The following ANK3 variants were observed in gnomAD, a reference collection of about 807,000 sequenced individuals.
ANK3 encodes the protein ankyrin 3, also known as ankyrin-3.
A neutral mutation model predicts 370.9 loss-of-function variants in ANK3; 57 were observed. The ratio of observed to expected loss-of-function variants is 0.15; its 90% CI spans 0.12 to 0.19. The LOEUF is 0.19. ANK3 is among the 10% of genes least tolerant of loss of function. The probability of loss-of-function intolerance (pLI) is 1.00; values close to 1 mark genes in which losing one functional copy is unlikely to be tolerated. For synonymous variants in ANK3, 1,929 were observed against 1,946.3 expected (o/e 0.99, Z 0.23); for missense variants, 4,439 against 5,302.1 (o/e 0.84, Z 5.06).
At chr10:60,636,179 G>A (rs897626317) in intron 1 of ANK3, among the ~76,000 whole-genome samples, 5 of 152,162 alleles carry the variant, frequency 3.3e-5, no homozygotes, top group Non-Finnish European at 7.4e-5. Flanking sequence ...CTTTTAATAG[G>A]CAACACAAAT....
rs1266257569 is a variant in ANK3 at position 60,082,300 on chromosome 10, C to A, written c.4324-124G>T. The stretch of plus-strand genomic sequence containing the variant: ...ATGCAAGCTGATTTAGAAAGCAAAG[C>A]AAATTTTAAAAAAAGCCAACAAAAA... On this transcript the variant is annotated intron_variant, in intron 34 of 43. Transcript: ENST00000280772. 8.8e-6 allele frequency: 8 copies of A among 904,414 alleles called. No homozygotes were observed. The African/African-American group carries it at 1.4e-4, about 15-fold the overall frequency. 56.0% of individuals were successfully genotyped at this position (904,414 alleles called of 1,614,324 possible). A position where few individuals can be genotyped will look rare whatever the true frequency, so the allele number is the denominator to read the frequency against.
chr10:60,209,233 A>G (rs2096812489), intron 9 of ANK3, among the ~76,000 whole-genome samples: 1 of 152,196 alleles, frequency 6.6e-6, no homozygotes, highest in Admixed American at 6.5e-5. Context: ...GGGAAAAGTA[A>G]TTTGACAGCA....
At chr10:60,448,786 A>C (rs1369310726) in intron 2 of ANK3, among the ~76,000 whole-genome samples, 2 of 152,234 alleles carry the variant, frequency 1.3e-5, no homozygotes, top group East Asian at 1.9e-4. Context: ...AATTCCTTTG[A>C]GATATCTTCT....
chr10:60,565,612 C>T (rs1270642116), intron 2 of ANK3, among the ~76,000 whole-genome samples: 1 of 152,240 alleles, frequency 6.6e-6, no homozygotes, highest in East Asian at 1.9e-4. Context: ...CACCCCTGCA[C>T]TCTATAGTCC....
chr10:60,506,336 T>C (rs547014155), intron 2 of ANK3, among the ~76,000 whole-genome samples: 3 of 151,988 alleles, frequency 2.0e-5, no homozygotes, highest in East Asian at 3.9e-4. Context: ...CTCAAGAAAA[T>C]CCCAAAGTGA....
chr10:60,313,962 T>C (rs966288063), intron 1 of ANK3, among the ~76,000 whole-genome samples: 22 of 150,962 alleles, frequency 1.5e-4, no homozygotes, highest in African/African-American at 5.1e-4. Flanking sequence ...CTCTTATCTC[T>C]ATCTGAACTT....
At position 60,278,806 on chromosome 10, in the gene ANK3, T is replaced by C. The variant is rs114937210; in HGVS notation, c.382A>G (p.Thr128Ala). 1.9e-3 allele frequency: 3,000 copies of C among 1,613,940 alleles called. 71 individuals carry two copies. In the African/African-American group the frequency reaches 0.036, roughly 19 times the overall value. ...GQAEVVKVLV[T>A]NGANVNAQSQ... ...TGTGCATTGACATTGGCTCCATTTG[T>C]AACCAAGACTTTTACCACCTCTGCT... Residue 128 changes from threonine to alanine, a missense_variant, in exon 4 of 44, where the codon ACA becomes GCA. By Grantham distance (58) the Thr-to-Ala change is moderately conservative. This residue lies in a region of ANK3 where 136 missense variants were observed against 230.5 expected (regional missense o/e 0.59). Coordinates refer to ENST00000280772, the MANE Select transcript of ANK3 (RefSeq NM_020987.5).
chr10:60,499,688 C>A (rs755278755), intron 2 of ANK3, among the ~76,000 whole-genome samples: 16 of 152,194 alleles, frequency 1.1e-4, no homozygotes, highest in Non-Finnish European at 1.6e-4. Flanking sequence ...GATCAGAATG[C>A]CACATTACTA....
chr10:60,599,898 T>C (rs2078037381), intron 2 of ANK3, among the ~76,000 whole-genome samples: 1 of 152,198 alleles, frequency 6.6e-6, no homozygotes, highest in South Asian at 2.1e-4. Context: ...TCTACAACTC[T>C]GGCTTTCTCT....
intron 2 of ANK3, among the ~76,000 whole-genome samples, chr10:60,593,301 C>A (rs1173495274): frequency 6.6e-6 from 1 of 152,122 alleles, no homozygotes; most frequent in Non-Finnish European, 1.5e-5. Flanking sequence ...CTGTGCCTGT[C>A]CTGTAGCTGG....
At chr10:60,415,193 A>C (rs975883096) in intron 2 of ANK3, among the ~76,000 whole-genome samples, 2 of 152,146 alleles carry the variant, frequency 1.3e-5, no homozygotes, top group Non-Finnish European at 2.9e-5. Context: ...CATGGGGTAG[A>C]AAGAGACAGT....
Position 60,055,972 on chromosome 10 carries a change from T to C in ANK3, c.12751A>G (p.Asn4251Asp). 1 of 1,613,986 alleles carries C rather than the reference T, an allele frequency of 6.2e-7. No individual in the cohort carries two copies. The highest frequency in any genetic ancestry group is 8.5e-7 in the Non-Finnish European group (1 of 1,180,016). ...GGAGTGATTTCTGTATGGCTTCCAT[T>C]TGCTTCAAATTTGCCAGCTTCTCCT... The part of the protein sequence containing the change: ...LKGEAGKFEA[N>D]GSHTEITPEA... The change falls in exon 42 of 44, where the codon AAT becomes GAT. Residue 4251 changes from asparagine (N) to aspartate (D), a missense_variant. Physicochemically the swap from Asn to Asp is conservative, Grantham distance 23. Transcript: ENST00000280772.
chr10:60,462,544 T>C (rs2064910898), intron 2 of ANK3, among the ~76,000 whole-genome samples: 2 of 151,924 alleles, frequency 1.3e-5, no homozygotes, highest in South Asian at 4.2e-4. Context: ...CTTTTTCCCC[T>C]AAATTTCTCT....
At chr10:60,099,380 G>A (rs1210537977) in intron 28 of ANK3, among the ~76,000 whole-genome samples, 1 of 152,204 alleles carries the variant, frequency 6.6e-6, no homozygotes, top group Non-Finnish European at 1.5e-5. Flanking sequence ...GTCAGAGTTG[G>A]TCTCTGCCCT....
intron 8 of ANK3, among the ~76,000 whole-genome samples, chr10:60,228,662 T>G (rs1431876893): frequency 6.6e-6 from 1 of 152,196 alleles, no homozygotes; most frequent in African/African-American, 2.4e-5. Flanking sequence ...TATCTTTATC[T>G]TTCCTTTGAG....
chr10:60,395,319 T>C (rs2063194329), intron 2 of ANK3, among the ~76,000 whole-genome samples: 1 of 152,174 alleles, frequency 6.6e-6, no homozygotes, highest in Non-Finnish European at 1.5e-5. Context: ...TTCAGTTAAA[T>C]AAAACATATT....
At chr10:60,338,283 A>C (rs1011558727) in intron 1 of ANK3, among the ~76,000 whole-genome samples, 1 of 152,150 alleles carries the variant, frequency 6.6e-6, no homozygotes, top group Non-Finnish European at 1.5e-5. Flanking sequence ...TTAATTCAAT[A>C]CTTTAGCCAG....
intron 2 of ANK3, among the ~76,000 whole-genome samples, chr10:60,528,613 A>G (rs1471984527): frequency 6.6e-6 from 1 of 152,134 alleles, no homozygotes; most frequent in Non-Finnish European, 1.5e-5. Context: ...CATATGGTTC[A>G]ACCTATGCAT....
Position 60,059,645 on chromosome 10 carries a change from T to C in ANK3, c.12596-215A>G. 3 of 1,552,524 alleles carry C rather than the reference T, an allele frequency of 1.9e-6. No individual in the cohort carries two copies. In the South Asian group the frequency reaches 3.7e-5, roughly 19 times the overall value. On this transcript the variant is annotated intron_variant, in intron 40 of 43. Transcript: ENST00000280772. Reference sequence around the variant, plus strand: ...CTCCTAGTTTTCTAGGCTCTGCTGGTTTAACATCTTTTGGGGACCCAGCCA... The same window carrying C: ...CTCCTAGTTTTCTAGGCTCTGCTGGCTTAACATCTTTTGGGGACCCAGCCA...
Sources: allele counts gnomAD v4.1 joint callset (sites outside exome capture counted in the v4.1 genomes callset), GRCh38; gene constraint gnomAD v4.1.1; regional missense constraint gnomAD v4.1.1; transcripts MANE v1.5; gene names NCBI Gene and HGNC (gene_info 2026-07-23, HGNC 2026-07-21).